PPP1R9A: variants seen among roughly 807,000 people sequenced by gnomAD.
PPP1R9A encodes neurabin-1.
PPP1R9A carries 59 observed loss-of-function variants against 141.9 expected under a neutral mutation model. The ratio of observed to expected loss-of-function variants is 0.42; its 90% CI spans 0.34 to 0.52. The LOEUF is 0.52. Among genes scored for constraint, PPP1R9A ranks in the 20% least tolerant of loss-of-function variants. The pLI, the probability that PPP1R9A is intolerant of heterozygous loss-of-function variation, is 0.10. For missense variants in PPP1R9A, 1,444 were observed against 1,611.9 expected, an observed-to-expected ratio of 0.90 and a Z score of 1.78; for synonymous variants, 500 against 569.7, an observed-to-expected ratio of 0.88 and a Z score of 1.74.
intron 2 of PPP1R9A, among the ~76,000 whole-genome samples, chr7:95,109,540 C>A (rs1258656929): frequency 6.6e-6 from 1 of 152,092 alleles, no homozygotes; most frequent in African/African-American, 2.4e-5. Flanking sequence ...GTAAGTATGA[C>A]AATGTAAGAA....
chr7:95,198,527 T>C (rs1242125942), intron 6 of PPP1R9A, 43 bp downstream of exon 6: 7 of 1,508,186 alleles, frequency 4.6e-6, no homozygotes, highest in Non-Finnish European at 6.2e-6. Context: ...CATTTTCTAA[T>C]TCATGAAACT....
At chr7:94,924,561 C>T (rs1793223394) in intron 2 of PPP1R9A, among the ~76,000 whole-genome samples, 1 of 152,156 alleles carries the variant, frequency 6.6e-6, no homozygotes, top group South Asian at 2.1e-4. Flanking sequence ...CGGAGTCTTG[C>T]TCTGTTGCCC....
At chr7:95,243,756 T>C (rs998770517) in intron 8 of PPP1R9A, among the ~76,000 whole-genome samples, 1 of 152,088 alleles carries the variant, frequency 6.6e-6, no homozygotes, top group Non-Finnish European at 1.5e-5. Flanking sequence ...TCTTTCCTCA[T>C]CTGAACCATG....
chr7:95,280,070 G>A (rs566953760), intron 16 of PPP1R9A, among the ~76,000 whole-genome samples: 5 of 152,208 alleles, frequency 3.3e-5, no homozygotes, highest in Admixed American at 1.3e-4. Context: ...AGTAGGGGGC[G>A]GGGGTTGGCC....
intron 5 of PPP1R9A, among the ~76,000 whole-genome samples, chr7:95,185,247 A>T (rs1050159419): frequency 6.6e-6 from 1 of 151,918 alleles, no homozygotes; most frequent in Non-Finnish European, 1.5e-5. Flanking sequence ...AGGTGGTATC[A>T]CACTGTGGTT....
At chr7:95,216,035 G>A (rs2152928248) in intron 7 of PPP1R9A, among the ~76,000 whole-genome samples, 1 of 152,304 alleles carries the variant, frequency 6.6e-6, no homozygotes, top group Non-Finnish European at 1.5e-5. Context: ...TATTAGACAT[G>A]AAGTCCTTGC....
At chr7:95,264,957 A>T (rs2153038889) in intron 12 of PPP1R9A, among the ~76,000 whole-genome samples, 1 of 152,308 alleles carries the variant, frequency 6.6e-6, no homozygotes, top group South Asian at 2.1e-4. Flanking sequence ...AGAACGAATG[A>T]CAGTGAGAGA....
At chr7:95,269,038 G>A (rs1353001530) in intron 13 of PPP1R9A, among the ~76,000 whole-genome samples, 169 bp from the exon 14 acceptor site, 2 of 152,102 alleles carry the variant, frequency 1.3e-5, no homozygotes, top group South Asian at 2.1e-4. Context: ...TATTAGTGAC[G>A]ATGTTAATAT....
intron 2 of PPP1R9A, among the ~76,000 whole-genome samples, chr7:94,975,882 G>T (rs549260612): frequency 2.0e-5 from 3 of 152,054 alleles, no homozygotes; most frequent in African/African-American, 7.2e-5. Context: ...AATTATAAAG[G>T]TACAATTTCA....
At chr7:95,173,339 G>GTGCCCACC (rs1384346895) in intron 5 of PPP1R9A, among the ~76,000 whole-genome samples, 5 of 151,884 alleles carry the variant, frequency 3.3e-5, no homozygotes, top group African/African-American at 1.2e-4. Context: ...AATGTTCATT[G>GTGCCCACC]TTAAGGTGAT....
intron 2 of PPP1R9A, among the ~76,000 whole-genome samples, chr7:95,075,754 G>A (rs1212225775): frequency 6.6e-6 from 1 of 152,008 alleles, no homozygotes; most frequent in Admixed American, 6.6e-5. Flanking sequence ...GGAGAGTGGT[G>A]TGAACCTGGG....
chr7:95,191,719 A>G (rs1835529742), intron 5 of PPP1R9A, among the ~76,000 whole-genome samples: 1 of 152,104 alleles, frequency 6.6e-6, no homozygotes, highest in African/African-American at 2.4e-5. Context: ...AATTTAATTC[A>G]TTAGATTTTG....
intron 5 of PPP1R9A, among the ~76,000 whole-genome samples, chr7:95,166,637 G>C (rs139751231): frequency 1.3e-5 from 2 of 152,266 alleles, no homozygotes; most frequent in African/African-American, 4.8e-5. Context: ...AATTGAAGCA[G>C]AGGAACTTCT....
chr7:95,250,116 A>G lies in PPP1R9A; in HGVS notation c.2257A>G (p.Lys753Glu). ...NIEENKERML[K>E]LESYWIEAQT... The stretch of plus-strand genomic sequence containing the variant: ...AGAAGAGAATAAGGAAAGAATGTTG[A>G]AGTTGGAAAGCTACTGGATTGAGGC... The change falls in exon 10 of 20, where the codon AAG becomes GAG. Residue 753 changes from lysine (K) to glutamate (E), a missense_variant. Coordinates refer to ENST00000433360, the MANE Select transcript of PPP1R9A (RefSeq NM_001166160.2). 1 of 1,613,878 alleles carries G rather than the reference A, an allele frequency of 6.2e-7. No individual in the cohort carries two copies. The highest frequency in any genetic ancestry group is 8.5e-7 in the Non-Finnish European group (1 of 1,179,908).
chr7:95,100,095 A>G (rs1361268016), intron 2 of PPP1R9A, among the ~76,000 whole-genome samples: 1 of 152,032 alleles, frequency 6.6e-6, no homozygotes, highest in East Asian at 1.9e-4. Flanking sequence ...ATGTATGTAT[A>G]TGTAAAACTT....
intron 3 of PPP1R9A, among the ~76,000 whole-genome samples, chr7:95,114,254 A>G (rs2152457193): frequency 6.6e-6 from 1 of 152,352 alleles, no homozygotes; most frequent in South Asian, 2.1e-4. Flanking sequence ...GAAAGTAAAA[A>G]TAGCAAACCA....
intron 2 of PPP1R9A, among the ~76,000 whole-genome samples, chr7:94,922,422 T>C (rs553098152): frequency 6.6e-6 from 1 of 152,194 alleles, no homozygotes; most frequent in East Asian, 1.9e-4. Context: ...TTCTGAGTGG[T>C]TTTTATTACT....
At chr7:95,281,048 T>C (rs1804129643) in intron 16 of PPP1R9A, among the ~76,000 whole-genome samples, 1 of 152,150 alleles carries the variant, frequency 6.6e-6, no homozygotes, top group Admixed American at 6.5e-5. Flanking sequence ...AGCTGATAGG[T>C]CTGTAATTTT....
In PPP1R9A at chr7:95,292,753, G is replaced by A. The variant is rs1806544478; in HGVS notation, c.*2450G>A. ...ATTACCACTTAAAACGGATGAAATT[G>A]TAAAAGTCATTTGGTTTGATTGCCC... is the stretch of plus-strand genomic sequence containing the variant. On this transcript the variant is annotated 3_prime_UTR_variant, in exon 20 of 20. Transcript: ENST00000433360. The A allele has an allele frequency of 6.6e-6, 1 of 152,182 alleles. No individual in the cohort carries two copies. The highest frequency in any genetic ancestry group is 1.5e-5 in the Non-Finnish European group (1 of 68,030). 9.4% of individuals were successfully genotyped at this position (152,182 alleles called of 1,614,324 possible).
Sources: allele counts gnomAD v4.1 joint callset (sites outside exome capture counted in the v4.1 genomes callset), GRCh38; gene constraint gnomAD v4.1.1; transcripts MANE v1.5; gene names NCBI Gene and HGNC (gene_info 2026-07-23, HGNC 2026-07-21).